The following RPS6KC1 variants were observed in gnomAD, a reference collection of about 807,000 sequenced individuals.
RPS6KC1 encodes ribosomal protein S6 kinase C1, also known as inactive ribosomal protein S6 kinase delta-1.
RPS6KC1 carries 54 observed loss-of-function variants against 103.8 expected under a neutral mutation model. The observed-to-expected ratio is 0.52, with a 90% confidence interval of 0.42 to 0.65. RPS6KC1 has a LOEUF of 0.65. Among genes scored for constraint, RPS6KC1 ranks in the 30% least tolerant of loss-of-function variants. The pLI, the probability that RPS6KC1 is intolerant of heterozygous loss-of-function variation, is 0.00. For missense variants in RPS6KC1, 1,151 were observed against 1,253.8 expected (o/e 0.92, Z 1.24); for synonymous variants, 439 against 438.7 (o/e 1.00, Z -0.01).
At chr1:213,284,988 G>A in the RPS6KC1 span, among the ~76,000 whole-genome samples, 1 of 152,162 alleles carries the variant, frequency 6.6e-6, no homozygotes, top group Non-Finnish European at 1.5e-5. Flanking sequence ...AAGTATAAAG[G>A]GCACATGTGG....
chr1:213,374,823 T>C, the RPS6KC1 span, among the ~76,000 whole-genome samples: 22 of 152,202 alleles, frequency 1.4e-4, no homozygotes, highest in African/African-American at 5.3e-4. Flanking sequence ...GGGAAGGGCC[T>C]GCAACACACC....
intron 7 of RPS6KC1, among the ~76,000 whole-genome samples, chr1:213,175,726 T>C (rs936718644): frequency 6.6e-6 from 1 of 152,204 alleles, no homozygotes; most frequent in East Asian, 1.9e-4. Context: ...GTTTTCCACA[T>C]CACAGATATT....
chr1:213,830,806 C>A, the RPS6KC1 span, among the ~76,000 whole-genome samples: 3 of 152,112 alleles, frequency 2.0e-5, no homozygotes, highest in African/African-American at 7.2e-5. Flanking sequence ...ACACAAAAAT[C>A]CTGGCTTATA....
At chr1:213,461,453 G>A in the RPS6KC1 span, among the ~76,000 whole-genome samples, 9 of 151,710 alleles carry the variant, frequency 5.9e-5, no homozygotes, top group South Asian at 2.1e-4. Flanking sequence ...ATATGGAACC[G>A]AAAAGCCCAT....
the RPS6KC1 span, among the ~76,000 whole-genome samples, chr1:213,419,049 T>C: frequency 1.3e-5 from 2 of 152,228 alleles, no homozygotes; most frequent in Admixed American, 6.5e-5. Context: ...GAACTTTCTC[T>C]CTCAGCCAAG....
At chr1:213,763,881 T>C in the RPS6KC1 span, among the ~76,000 whole-genome samples, 1 of 152,226 alleles carries the variant, frequency 6.6e-6, no homozygotes, top group East Asian at 1.9e-4. Flanking sequence ...AGCCCCATGC[T>C]TTATTTATGT....
the RPS6KC1 span, among the ~76,000 whole-genome samples, chr1:213,467,962 TTAAAGG>T: frequency 6.6e-6 from 1 of 152,236 alleles, no homozygotes; most frequent in Non-Finnish European, 1.5e-5. Flanking sequence ...TGTAATGGCA[TTAAAGG>T]TAAACAATTA....
the RPS6KC1 span, among the ~76,000 whole-genome samples, chr1:213,555,699 T>G: frequency 6.6e-6 from 1 of 152,246 alleles, no homozygotes; most frequent in East Asian, 1.9e-4. Context: ...GAATTGTGGT[T>G]ACTCTTAAGC....
intron 8 of RPS6KC1, among the ~76,000 whole-genome samples, chr1:213,220,042 C>T (rs553676188): frequency 1.1e-4 from 17 of 152,042 alleles, no homozygotes; most frequent in Admixed American, 9.2e-4. Context: ...ACCCAAAGTA[C>T]TAAATATTTA....
the RPS6KC1 span, among the ~76,000 whole-genome samples, chr1:213,512,890 G>T: frequency 6.6e-6 from 1 of 152,118 alleles, no homozygotes; most frequent in South Asian, 2.1e-4. Context: ...AACCTGGAGG[G>T]GTGGCCTCTG....
chr1:213,643,202 C>T, the RPS6KC1 span, among the ~76,000 whole-genome samples: 1 of 151,924 alleles, frequency 6.6e-6, no homozygotes, highest in East Asian at 1.9e-4. Flanking sequence ...TGTCAAGCTG[C>T]ATAAACAAAT....
the RPS6KC1 span, among the ~76,000 whole-genome samples, chr1:213,708,482 G>A: frequency 2.0e-5 from 3 of 151,762 alleles, no homozygotes; most frequent in African/African-American, 7.3e-5. Flanking sequence ...TCTTATCAGA[G>A]CCTAGGATTG....
intron 8 of RPS6KC1, among the ~76,000 whole-genome samples, chr1:213,190,258 T>C (rs2092700943): frequency 6.6e-6 from 1 of 152,180 alleles, no homozygotes; most frequent in African/African-American, 2.4e-5. Flanking sequence ...TGTACTAATT[T>C]AGATTTCCAC....
chr1:213,165,299 C>T (rs1048211815), intron 6 of RPS6KC1, among the ~76,000 whole-genome samples: 5 of 151,676 alleles, frequency 3.3e-5, no homozygotes, highest in African/African-American at 7.3e-5. Flanking sequence ...GGCATGATCT[C>T]AGCTCAGTGC....
the RPS6KC1 span, chr1:213,818,744 G>A: frequency 1.3e-5 from 2 of 152,206 alleles, no homozygotes; most frequent in Non-Finnish European, 1.5e-5. Flanking sequence ...GGATGAAACC[G>A]AGGCAGAAGT....
chr1:213,201,772 A>G lies in RPS6KC1; in HGVS notation c.1044+25280A>G, dbSNP rs527971118. 9.8e-4 allele frequency among the ~76,000 whole-genome samples: 149 copies of G among 152,244 alleles called. 1 individual carries two copies. Among genetic ancestry groups the G allele is most frequent in the Non-Finnish European group, 1.5e-3 (105 of 68,036 alleles). ...AAGTCTGTTTAAAAGGAGAAAAATCAATACAGTCACTGCCATGTTTGGTGA... is the reference window on the plus strand; with the variant it reads ...AAGTCTGTTTAAAAGGAGAAAAATCGATACAGTCACTGCCATGTTTGGTGA... On this transcript the variant is annotated intron_variant, in intron 8 of 14. Transcript: ENST00000366960.
At chr1:213,168,066 G>T in intron 7 of RPS6KC1, 93 bp downstream of exon 7, 1 of 695,114 alleles carries the variant, frequency 1.4e-6, no homozygotes, top group Non-Finnish European at 2.3e-6. Flanking sequence ...ATAGGATTTT[G>T]ATTTTTTGAA....
the RPS6KC1 span, among the ~76,000 whole-genome samples, chr1:213,487,013 C>A: frequency 6.6e-6 from 1 of 152,174 alleles, no homozygotes; most frequent in Non-Finnish European, 1.5e-5. Context: ...CTGAAATTTG[C>A]AGCACCTTGA....
At chr1:213,660,005 A>G in the RPS6KC1 span, among the ~76,000 whole-genome samples, 1 of 152,200 alleles carries the variant, frequency 6.6e-6, no homozygotes, top group Non-Finnish European at 1.5e-5. Flanking sequence ...AATTCACTTT[A>G]TACCTAGAGC....
Sources: allele counts gnomAD v4.1 joint callset (sites outside exome capture counted in the v4.1 genomes callset), GRCh38; gene constraint gnomAD v4.1.1; transcripts MANE v1.5; gene names NCBI Gene and HGNC (gene_info 2026-07-23, HGNC 2026-07-21).